Variants in NAALADL2 observed in about 807,000 individuals in gnomAD.
The protein encoded by NAALADL2 is N-acetylated alpha-linked acidic dipeptidase like 2, also known as inactive N-acetylated-alpha-linked acidic dipeptidase-like protein 2.
NAALADL2 carries 76 observed loss-of-function variants against 87.2 expected under a neutral mutation model. That is an observed-to-expected ratio of 0.87 (90% CI 0.72 to 1.05). NAALADL2 has a LOEUF of 1.05. NAALADL2 is among the 50% of genes least tolerant of loss of function. The probability of loss-of-function intolerance (pLI) is 0.00; values close to 1 mark genes in which losing one functional copy is unlikely to be tolerated. For missense variants in NAALADL2, 1,089 were observed against 945.8 expected (o/e 1.15, Z -1.99); for synonymous variants, 354 against 331.0 (o/e 1.07, Z -0.75).
chr3:175,636,479 A>G (rs201841350), intron 11 of NAALADL2, among the ~76,000 whole-genome samples: 1 of 152,190 alleles, frequency 6.6e-6, no homozygotes, highest in East Asian at 1.9e-4. Context: ...AGGGCAGATC[A>G]CCTGAGGTCA....
chr3:175,491,161 ATATTTTATTGTCCTATAAAATAG>A (rs71911814), intron 9 of NAALADL2, among the ~76,000 whole-genome samples: 75,300 of 147,250 alleles, frequency 0.51, 21,217 homozygotes, highest in East Asian at 0.63. Flanking sequence ...CTGTCAGGAA[ATATTTTATTGTCCTATAAAATAG>A]TATTTTATTG....
intron 2 of NAALADL2, among the ~76,000 whole-genome samples, chr3:174,679,426 ATG>A (rs1468188239): frequency 3.3e-5 from 5 of 152,138 alleles, no homozygotes; most frequent in African/African-American, 1.2e-4. Flanking sequence ...ATCTCTTTTT[ATG>A]TACAATTTCT....
intron 10 of NAALADL2, among the ~76,000 whole-genome samples, chr3:175,618,901 C>G (rs1725753486): frequency 6.6e-6 from 1 of 152,000 alleles, no homozygotes; most frequent in Non-Finnish European, 1.5e-5. Flanking sequence ...CACGAGTTCT[C>G]CACCCATGAA....
At position 174,828,167 on chromosome 3, in the gene NAALADL2, C is replaced by CA. The variant is rs1553866755; in HGVS notation, c.-9+90422dup. ...AAGACCTTGTCTCTGAAACCAACCA[C>CA]ACACAACACAACACAACACAACACA... is the stretch of plus-strand genomic sequence containing the variant. On this transcript the variant is annotated intron_variant, in intron 3 of 3. Transcript: ENST00000434257. Among the ~76,000 whole-genome samples, 301 of 151,692 alleles carry CA rather than the reference C, an allele frequency of 2.0e-3. 1 individual carries two copies. Among genetic ancestry groups the CA allele is most frequent in the African/African-American group, 7.1e-3 (294 of 41,276 alleles).
At chr3:175,461,021 A>G (rs1055222639) in intron 6 of NAALADL2, among the ~76,000 whole-genome samples, 1 of 152,142 alleles carries the variant, frequency 6.6e-6, no homozygotes, top group African/African-American at 2.4e-5. Flanking sequence ...TCCATTTTAC[A>G]GAGTGCTGAC....
chr3:174,477,125 AT>A (rs1375269321), intron 1 of NAALADL2, among the ~76,000 whole-genome samples: 1 of 152,068 alleles, frequency 6.6e-6, no homozygotes, highest in Non-Finnish European at 1.5e-5. Flanking sequence ...AAGGAAAAAA[AT>A]AAACAGAAAA....
At chr3:175,346,245 A>G (rs1197753449) in intron 5 of NAALADL2, among the ~76,000 whole-genome samples, 1 of 152,110 alleles carries the variant, frequency 6.6e-6, no homozygotes, top group Non-Finnish European at 1.5e-5. Context: ...GATAAACTTC[A>G]CTGATTTTTT....
At chr3:175,069,258 C>G (rs1470696317) in intron 1 of NAALADL2, among the ~76,000 whole-genome samples, 1 of 149,688 alleles carries the variant, frequency 6.7e-6, no homozygotes, top group Non-Finnish European at 1.5e-5. Flanking sequence ...TCGCAACCTA[C>G]TCATCTGACA....
At chr3:175,037,039 G>C (rs1753504067) in intron 1 of NAALADL2, among the ~76,000 whole-genome samples, 1 of 152,002 alleles carries the variant, frequency 6.6e-6, no homozygotes, top group South Asian at 2.1e-4. Flanking sequence ...TTCTGACCGA[G>C]AGTACCCTGC....
chr3:175,593,345 T>C (rs1721800743), intron 10 of NAALADL2, among the ~76,000 whole-genome samples: 2 of 152,240 alleles, frequency 1.3e-5, no homozygotes. Flanking sequence ...TTTTCTTTTC[T>C]CTTCATAGTG....
At chr3:175,606,461 C>CA (rs569858144) in intron 10 of NAALADL2, among the ~76,000 whole-genome samples, 75 of 149,482 alleles carry the variant, frequency 5.0e-4, no homozygotes, top group Non-Finnish European at 8.0e-4. Flanking sequence ...AAGGGAATAA[C>CA]AAAAAAAATC....
intron 2 of NAALADL2, among the ~76,000 whole-genome samples, chr3:175,146,828 T>G (rs528623376): frequency 6.6e-6 from 1 of 152,266 alleles, no homozygotes; most frequent in East Asian, 1.9e-4. Context: ...GTAGCTTTTT[T>G]TTTAACTAAA....
intron 1 of NAALADL2, among the ~76,000 whole-genome samples, chr3:174,476,487 T>C (rs1717221318): frequency 1.3e-5 from 2 of 152,126 alleles, no homozygotes; most frequent in Non-Finnish European, 1.5e-5. Flanking sequence ...ATCTCTCCTC[T>C]TATATTTCCT....
At chr3:175,415,730 G>A (rs1336865576) in intron 5 of NAALADL2, among the ~76,000 whole-genome samples, 1 of 151,636 alleles carries the variant, frequency 6.6e-6, no homozygotes, top group Non-Finnish European at 1.5e-5. Flanking sequence ...CTAAATCATT[G>A]ATATTAATAT....
rs1203588924 is a variant in NAALADL2, at chr3:174,992,338, GTAA to G, written c.44-104450_44-104448del. Among the ~76,000 whole-genome samples the G allele has an allele frequency of 1.5e-4, 23 of 152,148 alleles. No homozygotes were observed. The South Asian group carries it at 4.1e-3, about 27-fold the overall frequency. ...AAGATCATTGTTGATTTGAAGCAAC[GTAA>G]TTTCTTGAGTTTACTAACAATGAAT... On this transcript the variant is annotated intron_variant, in intron 1 of 13. Transcript: ENST00000454872.
rs113087073 is a variant in NAALADL2 at position 175,096,982 on chromosome 3, C to T, written c.236C>T (p.Thr79Ile). 40 of 1,613,382 alleles carry T rather than the reference C, an allele frequency of 2.5e-5. No individual in the cohort carries two copies. The African/African-American group carries it at 4.8e-4, about 19-fold the overall frequency. The change falls in exon 2 of 14, where the codon ACT becomes ATT. Residue 79 changes from threonine (T) to isoleucine (I), a missense_variant. Physicochemically the swap from Thr to Ile is moderately conservative, Grantham distance 89. Transcript: ENST00000454872. ...AENQNLGHSE[T>I]IDLNLDSIQP... Reference sequence around the variant, plus strand: ...AATCAGAACCTAGGGCATTCAGAGACTATAGACCTCAATCTTGATTCCATT... The same window carrying T: ...AATCAGAACCTAGGGCATTCAGAGATTATAGACCTCAATCTTGATTCCATT...
chr3:175,609,322 T>C (rs1269549642), intron 10 of NAALADL2, among the ~76,000 whole-genome samples: 1 of 152,138 alleles, frequency 6.6e-6, no homozygotes, highest in Non-Finnish European at 1.5e-5. Flanking sequence ...ATTTAGAAAT[T>C]AGAATGGCTT....
At chr3:174,525,337 G>A (rs184094979) in intron 1 of NAALADL2, among the ~76,000 whole-genome samples, 1 of 152,190 alleles carries the variant, frequency 6.6e-6, no homozygotes, top group Non-Finnish European at 1.5e-5. Flanking sequence ...CAGGCTGTAC[G>A]GGAAGCATGA....
At chr3:175,686,944 C>T (rs933252473) in intron 11 of NAALADL2, among the ~76,000 whole-genome samples, 1 of 152,250 alleles carries the variant, frequency 6.6e-6, no homozygotes, top group East Asian at 1.9e-4. Flanking sequence ...TAATATCACT[C>T]TGTGGCATTT....
Sources: gnomAD v4.1 joint callset for allele counts (sites outside exome capture counted in the v4.1 genomes callset) on GRCh38, gnomAD v4.1.1 for gene constraint, MANE v1.5 for transcripts, NCBI Gene and HGNC (gene_info 2026-07-23, HGNC 2026-07-21) for gene names.